DNAH17: variants seen among roughly 807,000 people sequenced by gnomAD.
DNAH17 encodes axonemal beta dynein heavy chain 17.
A neutral mutation model predicts 485.6 loss-of-function variants in DNAH17; 376 were observed. That is an observed-to-expected ratio of 0.77 (90% CI 0.71 to 0.84). The LOEUF is 0.84. DNAH17 is among the 40% of genes least tolerant of loss of function. The probability of loss-of-function intolerance (pLI) is 0.00; values close to 1 mark genes in which losing one functional copy is unlikely to be tolerated. For synonymous variants in DNAH17, 3,031 were observed against 2,405.9 expected, an observed-to-expected ratio of 1.26 and a Z score of -7.60; for missense variants, 6,370 against 5,839.3, an observed-to-expected ratio of 1.09 and a Z score of -2.96.
chr17:78,451,721 G>A (rs1568069842), intron 65 of DNAH17, 48 bp from the exon 66 acceptor site: 2 of 1,494,620 alleles, frequency 1.3e-6, no homozygotes, highest in Non-Finnish European at 1.8e-6. Context: ...AGTGACCAGG[G>A]GAGAGGAACA....
chr17:78,525,532 C>T (rs987915829), intron 24 of DNAH17, among the ~76,000 whole-genome samples: 5 of 152,218 alleles, frequency 3.3e-5, no homozygotes, highest in African/African-American at 1.2e-4. Flanking sequence ...TGAGATAATT[C>T]AGATAAGCAA....
chr17:78,450,052 C>T, intron 68 of DNAH17: 1 of 611,586 alleles, frequency 1.6e-6, no homozygotes, highest in East Asian at 2.8e-5. Context: ...CAGCTCATAC[C>T]CTCTCCTGGG....
rs756011612 is a variant in DNAH17, at chr17:78,444,612, G to C, written c.11520C>G (p.Tyr3840Ter). 16 of 1,565,252 alleles carry C rather than the reference G, an allele frequency of 1.0e-5. No individual in the cohort carries two copies. The highest frequency in any genetic ancestry group is 1.2e-5 in the Non-Finnish European group (14 of 1,155,984). ...CGCGGCGGGACACTCACTTGATAGCGTAGGTCATGCGATCTGGCCGCAGGC... is the reference window on the plus strand; with the variant it reads ...CGCGGCGGGACACTCACTTGATAGCCTAGGTCATGCGATCTGGCCGCAGGC... ...VRCLRPDRMTYAIKNFVEEKM... is the reference protein window; with the variant it reads ...VRCLRPDRMT Residue 3840 changes from tyrosine to a stop codon, truncating the protein, a stop_gained, in exon 71 of 81, where the codon TAC becomes TAG. Transcript: ENST00000389840. LOFTEE classifies it high-confidence loss of function.
In DNAH17 at chr17:78,490,731, G is replaced by C. The variant is rs1164480126; in HGVS notation, c.6786C>G (p.Leu2262=). Residue 2262 remains leucine (L), a synonymous_variant, in exon 44 of 81, where the codon CTC becomes CTG. Coordinates refer to ENST00000389840, the MANE Select transcript of DNAH17 (RefSeq NM_173628.4). The stretch of plus-strand genomic sequence containing the variant: ...ATCCCAGGTCGGCTGGGTTGATGTA[G>C]AGGATGCCGGCTCTGGAAACGGTGG... ...TPATVSRAGI[L]YINPADLGWN... 8 of 1,607,902 alleles carry C rather than the reference G, an allele frequency of 5.0e-6. No homozygotes were observed. Among genetic ancestry groups the C allele is most frequent in the Non-Finnish European group, 6.8e-6 (8 of 1,177,260 alleles).
chr17:78,498,553 G>A (rs553983810), intron 37 of DNAH17, among the ~76,000 whole-genome samples: 76 of 152,250 alleles, frequency 5.0e-4, no homozygotes, highest in Non-Finnish European at 9.3e-4. Context: ...CTGCACCCAG[G>A]TCGCCCCAGC....
chr17:78,431,522 T>C (rs186904993), intron 75 of DNAH17, among the ~76,000 whole-genome samples: 6 of 151,818 alleles, frequency 4.0e-5, no homozygotes, highest in Non-Finnish European at 5.9e-5. Flanking sequence ...GGTTGCTCTG[T>C]GTTTCAAAGC....
intron 16 of DNAH17, among the ~76,000 whole-genome samples, chr17:78,551,332 G>A (rs1295800822): frequency 6.6e-6 from 1 of 152,230 alleles, no homozygotes; most frequent in Non-Finnish European, 1.5e-5. Context: ...GAATGGAGCA[G>A]AACTGAATTT....
rs545575452 is a variant in DNAH17, at chr17:78,440,930, C to T, written c.11677+121G>A. On this transcript the variant is annotated intron_variant, in intron 72 of 80. Transcript: ENST00000389840. ...TTCTTGATCATTGCCATCCTACCGG[C>T]GTGAAGCCGCGTCTTGGGTGTGAAG... is the stretch of plus-strand genomic sequence containing the variant. 1.6e-4 allele frequency: 194 copies of T among 1,210,948 alleles called. 3 individuals carry two copies. In the South Asian group the frequency reaches 1.8e-3, roughly 11 times the overall value. The allele number at this position is 1,210,948 out of a possible 1,614,324, so 75.0% of individuals were successfully genotyped here. A position where few individuals can be genotyped will look rare whatever the true frequency, so the allele number is the denominator to read the frequency against.
At chr17:78,519,279 T>C (rs1436736869) in intron 25 of DNAH17, among the ~76,000 whole-genome samples, 1 of 147,584 alleles carries the variant, frequency 6.8e-6, no homozygotes, top group Non-Finnish European at 1.5e-5. Flanking sequence ...CTGAATGTAA[T>C]ATCAAAATAC....
At chr17:78,524,071 G>A (rs78514046) in intron 25 of DNAH17, among the ~76,000 whole-genome samples, 20,008 of 152,190 alleles carry the variant, frequency 0.13, 1,718 homozygotes, top group Middle Eastern at 0.22. Flanking sequence ...CGTATTAGGA[G>A]GCAGGGCCTT....
intron 54 of DNAH17, chr17:78,472,718 C>T (rs752001027): frequency 2.6e-5 from 12 of 455,070 alleles, no homozygotes; most frequent in South Asian, 6.2e-5. Context: ...CACGCTGTCT[C>T]GGCAGGCACA....
intron 64 of DNAH17, 52 bp from the exon 65 acceptor site, chr17:78,453,517 C>T (rs890175166): frequency 4.0e-5 from 64 of 1,605,220 alleles, no homozygotes; most frequent in East Asian, 3.6e-4. Context: ...CGTGATGGAA[C>T]GGTGCGCACG....
At chr17:78,495,693 C>T (rs111389049) in intron 38 of DNAH17, among the ~76,000 whole-genome samples, 182 bp downstream of exon 38, 3,985 of 152,200 alleles carry the variant, frequency 0.026, 177 homozygotes, top group African/African-American at 0.091. Context: ...CCTCCTCAGC[C>T]GCCCAAAGTG....
At chr17:78,489,410 C>G (rs575026657) in intron 44 of DNAH17, 2 of 152,494 alleles carry the variant, frequency 1.3e-5, no homozygotes, top group East Asian at 1.9e-4. Flanking sequence ...GGACTCGCCT[C>G]ACTTCTGGCG....
At chr17:78,485,400 C>T in intron 47 of DNAH17, 150 bp downstream of exon 47, 1 of 785,266 alleles carries the variant, frequency 1.3e-6, no homozygotes, top group Non-Finnish European at 2.0e-6. Flanking sequence ...GTCTCCGACT[C>T]AGGAAGGAAA....
Position 78,494,193 on chromosome 17 carries a change from G to T in DNAH17, c.6271-20C>A, listed in dbSNP as rs754275951. ...GATGATCTGGGGAGACATGGATGAG[G>T]CTGGGTGAGGAACTGAAGCAGCTTT... On this transcript the variant is annotated intron_variant, in intron 40 of 80. Transcript: ENST00000389840. 3.7e-6 allele frequency: 6 copies of T among 1,600,580 alleles called. No homozygotes were observed. In the African/African-American group the frequency reaches 6.7e-5, roughly 18 times the overall value.
At chr17:78,470,650 T>C (rs897694615) in intron 54 of DNAH17, among the ~76,000 whole-genome samples, 8 of 152,048 alleles carry the variant, frequency 5.3e-5, no homozygotes, top group African/African-American at 1.2e-4. Flanking sequence ...TATTGTGCCA[T>C]TGCACTCCAG....
Position 78,461,662 on chromosome 17 carries a change from T to G in DNAH17, c.9221A>C (p.Lys3074Thr), listed in dbSNP as rs367838103. 2.5e-6 allele frequency: 4 copies of G among 1,611,924 alleles called. No individual in the cohort carries two copies. In the African/African-American group the frequency reaches 5.3e-5, roughly 22 times the overall value. ...AKLAIQEAEL[K>T]QKNESADQLI... ...TTGGTCTGCGCTCTCATTCTTCTGCTTGAGCTCAGCCTCCTGAATCGCCAA... is the reference window on the plus strand; with the variant it reads ...TTGGTCTGCGCTCTCATTCTTCTGCGTGAGCTCAGCCTCCTGAATCGCCAA... Residue 3074 changes from lysine to threonine, a missense_variant, in exon 58 of 81, where the codon AAG becomes ACG. Lys to Thr is a moderately conservative substitution (Grantham distance 78, BLOSUM62 -1). Coordinates refer to ENST00000389840, the MANE Select transcript of DNAH17 (RefSeq NM_173628.4).
chr17:78,443,838 A>G (rs2087167170), intron 71 of DNAH17, among the ~76,000 whole-genome samples: 1 of 152,188 alleles, frequency 6.6e-6, no homozygotes, highest in Non-Finnish European at 1.5e-5. Context: ...GCACCTGGCC[A>G]TCAGAGGGTA....
Sources: gnomAD v4.1 joint callset for allele counts (sites outside exome capture counted in the v4.1 genomes callset) on GRCh38, gnomAD v4.1.1 for gene constraint, MANE v1.5 for transcripts, NCBI Gene and HGNC (gene_info 2026-07-23, HGNC 2026-07-21) for gene names.